PAWR: variants seen among roughly 807,000 people sequenced by gnomAD.
PAWR encodes pro-apoptotic WT1 regulator, also known as PRKC apoptosis WT1 regulator protein.
In PAWR, 23 loss-of-function variants were observed where a neutral mutation model predicts 32.0. The observed-to-expected ratio is 0.72, with a 90% confidence interval of 0.52 to 1.02. PAWR has a LOEUF of 1.02. Ranked by LOEUF, PAWR falls within the 50% of genes least tolerant of loss-of-function variation. PAWR has a pLI of 0.00. For synonymous variants in PAWR, 226 were observed against 187.1 expected (o/e 1.21, Z -1.70); for missense variants, 457 against 437.7 (o/e 1.04, Z -0.39).
chr12:79,659,891 A>G (rs925214089), intron 2 of PAWR, among the ~76,000 whole-genome samples: 5 of 152,298 alleles, frequency 3.3e-5, no homozygotes, highest in African/African-American at 9.6e-5. Flanking sequence ...TTTTTGTCCA[A>G]AAGAAGGGAG....
At chr12:79,597,263 C>T (rs1474744133) in intron 4 of PAWR, among the ~76,000 whole-genome samples, 1 of 151,860 alleles carries the variant, frequency 6.6e-6, no homozygotes, top group East Asian at 1.9e-4. Context: ...CGGGGTTTCA[C>T]CATGTTGCCC....
At chr12:79,653,823 T>C (rs1340886107) in intron 2 of PAWR, among the ~76,000 whole-genome samples, 1 of 152,258 alleles carries the variant, frequency 6.6e-6, no homozygotes, top group African/African-American at 2.4e-5. Context: ...TTTATTTGTA[T>C]TTCAAATTCA....
In PAWR at chr12:79,632,322, T is replaced by TATATAC. The variant is rs1875697582; in HGVS notation, c.517-11116_517-11115insGTATAT. Among the ~76,000 whole-genome samples, 4 of 28,748 alleles carry TATATAC rather than the reference T, an allele frequency of 1.4e-4. No homozygotes were observed. In the African/African-American group the frequency reaches 2.3e-3, roughly 17 times the overall value. The allele number at this position is 28,748 out of a possible 152,430, so 18.9% of individuals were successfully genotyped here. ...ATATATATATACATACATATATATA[T>TATATAC]ATATATATATATATATATATATATA... is the stretch of plus-strand genomic sequence containing the variant. On this transcript the variant is annotated intron_variant, in intron 2 of 6. Coordinates refer to ENST00000328827, the MANE Select transcript of PAWR (RefSeq NM_002583.4).
chr12:79,624,533 A>G (rs546686602), intron 2 of PAWR, among the ~76,000 whole-genome samples: 3 of 152,314 alleles, frequency 2.0e-5, no homozygotes, highest in South Asian at 4.1e-4. Context: ...TGGATACAGT[A>G]TGTATCTAAC....
At chr12:79,675,282 G>A (rs888845813) in intron 2 of PAWR, among the ~76,000 whole-genome samples, 1 of 152,140 alleles carries the variant, frequency 6.6e-6, no homozygotes, top group African/African-American at 2.4e-5. Context: ...GGAGGCTGAG[G>A]TGGGGAGGAT....
chr12:79,619,483 A>G (rs1009423279), intron 3 of PAWR, among the ~76,000 whole-genome samples: 1 of 152,230 alleles, frequency 6.6e-6, no homozygotes, highest in Non-Finnish European at 1.5e-5. Context: ...TGATAAGAAC[A>G]TATCTTCTAT....
At chr12:79,640,607 G>A (rs918603544) in intron 2 of PAWR, among the ~76,000 whole-genome samples, 3 of 152,072 alleles carry the variant, frequency 2.0e-5, no homozygotes, top group Non-Finnish European at 4.4e-5. Flanking sequence ...CGGGTATGGT[G>A]GTGTGCGCCT....
chr12:79,585,024 C>A lies in PAWR; in HGVS notation c.*7583G>T. 3.0e-6 allele frequency: 1 copy of A among 332,238 alleles called. No homozygotes were observed. Among genetic ancestry groups the A allele is most frequent in the Non-Finnish European group, 5.8e-6 (1 of 171,406 alleles). The allele number at this position is 332,238 out of a possible 1,614,324, so 20.6% of individuals were successfully genotyped here. A position where few individuals can be genotyped will look rare whatever the true frequency, so the allele number is the denominator to read the frequency against. ...TGATTTTATTCCATAGTCTCTTGGA[C>A]TTGAGAATCCATTTGAGTTTCAGAA... On this transcript the variant is annotated 3_prime_UTR_variant, in exon 7 of 7. Transcript: ENST00000328827.
intron 5 of PAWR, 125 bp downstream of exon 5, chr12:79,596,382 CAGTT>C: frequency 1.8e-6 from 1 of 554,872 alleles, no homozygotes; most frequent in Non-Finnish European, 3.1e-6. Flanking sequence ...CTAAAGGTAA[CAGTT>C]GGCAGAAAAG....
In PAWR at chr12:79,591,211, T is replaced by G. The variant is rs1232146767; in HGVS notation, c.*1396A>C. ...GGGGGAGAAAGCCAACCTAGGTAAA[T>G]GTAGAGACTTTTAGAATTCAACATT... is the stretch of plus-strand genomic sequence containing the variant. On this transcript the variant is annotated 3_prime_UTR_variant, in exon 7 of 7. Transcript: ENST00000328827. 1 of 152,140 alleles carries G rather than the reference T, an allele frequency of 6.6e-6. No homozygotes were observed. The highest frequency in any genetic ancestry group is 1.9e-4 in the East Asian group (1 of 5,188). The allele number at this position is 152,140 out of a possible 1,614,324, so 9.4% of individuals were successfully genotyped here.
intron 2 of PAWR, among the ~76,000 whole-genome samples, chr12:79,638,896 A>ATTTT (rs60375837): frequency 5.0e-4 from 5 of 10,012 alleles, no homozygotes; most frequent in African/African-American, 7.2e-4. Flanking sequence ...ATATATATAT[A>ATTTT]TTTTTTTTTT....
At chr12:79,596,395 A>G in intron 5 of PAWR, 116 bp downstream of exon 5, 1 of 584,100 alleles carries the variant, frequency 1.7e-6, no homozygotes, top group Non-Finnish European at 2.9e-6. Context: ...TTGGCAGAAA[A>G]GCGCACATAT....
intron 4 of PAWR, chr12:79,604,682 C>T (rs1874098757): frequency 3.1e-6 from 4 of 1,288,728 alleles, no homozygotes; most frequent in Middle Eastern, 2.1e-4. Flanking sequence ...TCCCACTCCT[C>T]GTAACAGCTC....
At chr12:79,689,472 C>T (rs903949240) in intron 2 of PAWR, among the ~76,000 whole-genome samples, 2 of 152,104 alleles carry the variant, frequency 1.3e-5, no homozygotes, top group African/African-American at 4.8e-5. Context: ...CTTTCTACCA[C>T]GGTAAAAAAG....
chr12:79,603,665 C>CAATTTTTTTTTTTTTTTTT (rs1565998443), intron 4 of PAWR: 1 of 141,452 alleles, frequency 7.1e-6, no homozygotes, highest in African/African-American at 2.6e-5. Flanking sequence ...CATCATTATG[C>CAATTTTTTTTTTTTTTTTT]TATTTTTTTT....
intron 4 of PAWR, among the ~76,000 whole-genome samples, chr12:79,610,271 T>A (rs1874374797): frequency 6.6e-6 from 1 of 152,214 alleles, no homozygotes; most frequent in African/African-American, 2.4e-5. Context: ...TGGGTAAGGT[T>A]TTCAGCATTT....
At chr12:79,642,132 A>G (rs1340101835) in intron 2 of PAWR, among the ~76,000 whole-genome samples, 1 of 152,208 alleles carries the variant, frequency 6.6e-6, no homozygotes, top group East Asian at 1.9e-4. Context: ...AAAAGTATAA[A>G]TAAATCAATG....
chr12:79,637,447 G>C (rs891026749), intron 2 of PAWR, among the ~76,000 whole-genome samples: 1 of 149,086 alleles, frequency 6.7e-6, no homozygotes, highest in African/African-American at 2.5e-5. Context: ...GTCATCACTC[G>C]ACCTCTGCCC....
At chr12:79,674,753 G>T (rs1323873132) in intron 2 of PAWR, among the ~76,000 whole-genome samples, 1 of 151,826 alleles carries the variant, frequency 6.6e-6, no homozygotes, top group Non-Finnish European at 1.5e-5. Flanking sequence ...CAAAGGACAT[G>T]AACAGACACT....
Sources: gnomAD v4.1 joint callset for allele counts (sites outside exome capture counted in the v4.1 genomes callset) on GRCh38, gnomAD v4.1.1 for gene constraint, MANE v1.5 for transcripts, NCBI Gene and HGNC (gene_info 2026-07-23, HGNC 2026-07-21) for gene names.